Variants in PDE4D observed in about 807,000 individuals in gnomAD.
PDE4D encodes the protein phosphodiesterase 4D.
A neutral mutation model predicts 87.4 loss-of-function variants in PDE4D; 24 were observed. That is an observed-to-expected ratio of 0.27 (90% CI 0.20 to 0.39). The LOEUF (loss-of-function observed/expected upper bound fraction) is 0.39, where lower values mean the gene tolerates loss of function less well. Ranked by LOEUF, PDE4D falls within the 10% of genes least tolerant of loss-of-function variation. The probability of loss-of-function intolerance (pLI) is 1.00; values close to 1 mark genes in which losing one functional copy is unlikely to be tolerated. For synonymous variants in PDE4D, 384 were observed against 383.2 expected (o/e 1.00, Z -0.02); for missense variants, 714 against 1,041.0 (o/e 0.69, Z 4.32).
chr5:60,327,706 C>T (rs893723065), intron 1 of PDE4D, among the ~76,000 whole-genome samples: 1 of 152,126 alleles, frequency 6.6e-6, no homozygotes, highest in African/African-American at 2.4e-5. Context: ...GGAAAACAGT[C>T]CAAGTTTCCA....
chr5:60,503,107 G>A (rs1457265987), intron 1 of PDE4D, among the ~76,000 whole-genome samples: 1 of 152,050 alleles, frequency 6.6e-6, no homozygotes, highest in Non-Finnish European at 1.5e-5. Context: ...TGATGATGTG[G>A]ATTGACTATC....
chr5:60,143,883 A>C (rs1262014505), intron 2 of PDE4D, among the ~76,000 whole-genome samples: 1 of 152,168 alleles, frequency 6.6e-6, no homozygotes, highest in Non-Finnish European at 1.5e-5. Flanking sequence ...ATCAAGAAGG[A>C]GAGCTTGGTG....
intron 5 of PDE4D, among the ~76,000 whole-genome samples, chr5:59,117,496 C>T (rs377095423): frequency 2.6e-5 from 4 of 152,094 alleles, no homozygotes; most frequent in African/African-American, 9.6e-5. Context: ...AGTGTTTGTT[C>T]CTTTTTATTT....
intron 1 of PDE4D, among the ~76,000 whole-genome samples, chr5:60,220,885 C>A (rs1744416335): frequency 6.6e-6 from 1 of 151,904 alleles, no homozygotes; most frequent in Non-Finnish European, 1.5e-5. Context: ...ATAATTTAAA[C>A]CCTGTAGAAA....
chr5:59,554,356 T>A (rs114140002), intron 1 of PDE4D, among the ~76,000 whole-genome samples: 2,184 of 152,176 alleles, frequency 0.014, 26 homozygotes, highest in Non-Finnish European at 0.022. Flanking sequence ...CCCATCCCCC[T>A]CCATTTTTTA....
At chr5:60,226,235 G>T (rs1745086118) in intron 1 of PDE4D, among the ~76,000 whole-genome samples, 1 of 152,096 alleles carries the variant, frequency 6.6e-6, no homozygotes, top group Non-Finnish European at 1.5e-5. Context: ...GTTCTTTAAA[G>T]TGACTGTGCT....
intron 1 of PDE4D, among the ~76,000 whole-genome samples, chr5:60,292,529 C>A (rs1752982557): frequency 6.6e-6 from 1 of 152,156 alleles, no homozygotes; most frequent in East Asian, 1.9e-4. Context: ...ACACTTCTTG[C>A]CAAAGATCCT....
At chr5:59,761,363 A>G (rs1761945301) in intron 1 of PDE4D, among the ~76,000 whole-genome samples, 1 of 152,098 alleles carries the variant, frequency 6.6e-6, no homozygotes, top group Admixed American at 6.6e-5. Context: ...CTTAATTTAT[A>G]AATATTTTTA....
intron 1 of PDE4D, among the ~76,000 whole-genome samples, chr5:59,682,558 T>C (rs1262680027): frequency 6.6e-6 from 1 of 152,200 alleles, no homozygotes; most frequent in Admixed American, 6.5e-5. Flanking sequence ...TATTTACAGG[T>C]GTGGCCTTTT....
chr5:59,436,737 C>T (rs1049280333), intron 1 of PDE4D, among the ~76,000 whole-genome samples: 4 of 152,128 alleles, frequency 2.6e-5, no homozygotes, highest in African/African-American at 7.2e-5. Flanking sequence ...TTTAAAAATG[C>T]TTTATTCTCC....
rs563989345 is a variant in PDE4D, at chr5:60,350,739, T to C, written c.-90+137203A>G. ...TTTTCAGATTTGGCTCACTTTTTTC[T>C]AAAACTGTTTGGGCCAAACAAAACA... On this transcript the variant is annotated intron_variant, in intron 1 of 16. Transcript: ENST00000502484. Among the ~76,000 whole-genome samples, 21 of 152,288 alleles carry C rather than the reference T, an allele frequency of 1.4e-4. No homozygotes were observed. In the South Asian group the frequency reaches 4.1e-3, roughly 30 times the overall value.
chr5:59,766,587 G>A (rs1762825022), intron 1 of PDE4D, among the ~76,000 whole-genome samples: 1 of 152,174 alleles, frequency 6.6e-6, no homozygotes, highest in Admixed American at 6.5e-5. Flanking sequence ...ATTCAGCAAT[G>A]GGTGCAATTT....
Position 59,528,282 on chromosome 5 carries a change from T to C in PDE4D, c.456-312314A>G, listed in dbSNP as rs573235650. Among the ~76,000 whole-genome samples the C allele has an allele frequency of 2.6e-5, 4 of 152,308 alleles. No homozygotes were observed. The South Asian group carries it at 8.3e-4, about 32-fold the overall frequency. On this transcript the variant is annotated intron_variant, in intron 1 of 14. Coordinates refer to ENST00000340635, the MANE Select transcript of PDE4D (RefSeq NM_001104631.2). ...TGACAATCTTTATTATGGAAAAGGG[T>C]GTAGTTTGGGAAAATACTATTACAT... is the stretch of plus-strand genomic sequence containing the variant.
At chr5:59,079,319 G>A (rs971720852) in intron 5 of PDE4D, among the ~76,000 whole-genome samples, 6 of 151,956 alleles carry the variant, frequency 3.9e-5, no homozygotes. Context: ...GAAATCTTAG[G>A]AAATAGAGAA....
intron 1 of PDE4D, among the ~76,000 whole-genome samples, chr5:59,530,929 A>G (rs1814099639): frequency 6.6e-6 from 1 of 152,216 alleles, no homozygotes; most frequent in South Asian, 2.1e-4. Flanking sequence ...ACTCAGTCTG[A>G]ACATCCTCAA....
chr5:60,503,659 C>T (rs181324927), intron 1 of PDE4D, among the ~76,000 whole-genome samples: 16 of 152,242 alleles, frequency 1.1e-4, no homozygotes, highest in Admixed American at 3.9e-4. Context: ...GCCTTTTACA[C>T]GCTCACTATT....
chr5:59,815,291 G>C (rs1019788576), intron 1 of PDE4D, among the ~76,000 whole-genome samples: 1 of 152,104 alleles, frequency 6.6e-6, no homozygotes, highest in Admixed American at 6.5e-5. Context: ...TTTTAGTATT[G>C]GTCCCTGAAA....
chr5:59,519,826 TGA>T (rs144441067), intron 1 of PDE4D, among the ~76,000 whole-genome samples: 197 of 152,204 alleles, frequency 1.3e-3, no homozygotes, highest in African/African-American at 4.3e-3. Context: ...AAGAGAAAGA[TGA>T]GAGAACAGTC....
chr5:60,483,027 A>G (rs893662010), intron 1 of PDE4D, among the ~76,000 whole-genome samples: 1 of 152,218 alleles, frequency 6.6e-6, no homozygotes, highest in East Asian at 1.9e-4. Flanking sequence ...TTCCTGTCAC[A>G]GTTCTACTGT....
Sources: allele counts gnomAD v4.1 joint callset (sites outside exome capture counted in the v4.1 genomes callset), GRCh38; gene constraint gnomAD v4.1.1; transcripts MANE v1.5; gene names NCBI Gene and HGNC (gene_info 2026-07-23, HGNC 2026-07-21).